ZDHHC6: variants seen among roughly 807,000 people sequenced by gnomAD.
ZDHHC6 encodes palmitoyltransferase ZDHHC6.
Under a neutral mutation model 57.8 loss-of-function variants are expected in ZDHHC6, and 32 were observed. That is an observed-to-expected ratio of 0.55 (90% CI 0.42 to 0.74). ZDHHC6 has a LOEUF of 0.74. ZDHHC6 is among the 30% of genes least tolerant of loss of function. ZDHHC6 has a pLI of 0.00. For missense variants in ZDHHC6, 433 were observed against 500.7 expected (o/e 0.86, Z 1.29); for synonymous variants, 128 against 158.0 (o/e 0.81, Z 1.42).
intron 5 of ZDHHC6, among the ~76,000 whole-genome samples, chr10:112,439,669 A>AAAAAAAAAAAAAAAAAAAAAAT (rs757796332): frequency 1.8e-5 from 2 of 108,562 alleles, no homozygotes; most frequent in Admixed American, 1.2e-4. Flanking sequence ...AAAAAAAAAA[A>AAAAAAAAAAAAAAAAAAAAAAT]GAATGAAAAA....
At chr10:112,429,302 C>A (rs1481202154), downstream of ZDHHC6, among the ~76,000 whole-genome samples, 1 of 152,192 alleles carries the variant, frequency 6.6e-6, no homozygotes, top group African/African-American at 2.4e-5. Context: ...AGTTACCTTC[C>A]TGTTTCTCAA....
rs753458056 is a variant in ZDHHC6, at chr10:112,433,259, G to A, written c.926C>T (p.Ala309Val). The change falls in exon 8 of 11, where the codon GCA (alanine) becomes GTA (valine). Residue 309 changes from alanine (A) to valine (V), a missense_variant. Transcript: ENST00000369405. ...ACTTACACTTCTGACTCTCTTATCT[G>A]CTTTTTGTTTCAACTGTTCTATCTG... ...SLTIEQLKQKADKRVRSVRYK... is the reference protein window; with the variant it reads ...SLTIEQLKQKVDKRVRSVRYK... 3.8e-6 allele frequency: 6 copies of A among 1,589,040 alleles called. No homozygotes were observed. Among genetic ancestry groups the A allele is most frequent in the Non-Finnish European group, 5.1e-6 (6 of 1,170,220 alleles).
chr10:112,436,110 A>C (rs1299880168), intron 6 of ZDHHC6, among the ~76,000 whole-genome samples: 3 of 152,238 alleles, frequency 2.0e-5, no homozygotes, highest in Non-Finnish European at 4.4e-5. Context: ...AAGATGTACA[A>C]ACTATGAGTA....
At chr10:112,444,307 T>C (rs1846431903) in intron 2 of ZDHHC6, among the ~76,000 whole-genome samples, 2 of 152,158 alleles carry the variant, frequency 1.3e-5, no homozygotes, top group South Asian at 4.1e-4. Flanking sequence ...CTCTTCCCCA[T>C]CTCCTTTGGA....
chr10:112,442,075 A>G (rs1846170195), intron 4 of ZDHHC6, 117 bp downstream of exon 4: 7 of 1,250,220 alleles, frequency 5.6e-6, no homozygotes, highest in Non-Finnish European at 6.4e-6. Context: ...ACAAAGTTCT[A>G]TTTCCCCAAC....
chr10:112,425,833 C>A (rs1009447171), downstream of ZDHHC6, among the ~76,000 whole-genome samples: 35 of 151,640 alleles, frequency 2.3e-4, no homozygotes, highest in Admixed American at 2.1e-3. Flanking sequence ...CAAACTGTTG[C>A]AATATATATA....
intron 2 of ZDHHC6, 36 bp downstream of exon 2, chr10:112,445,134 T>C: frequency 6.3e-7 from 1 of 1,587,492 alleles, no homozygotes; most frequent in East Asian, 2.2e-5. Flanking sequence ...TATACGATTA[T>C]CATTAAAGTT....
In ZDHHC6 at chr10:112,440,516, G is replaced by C; in HGVS notation, c.681+18C>G. 6.2e-7 allele frequency: 1 copy of C among 1,608,974 alleles called. No individual in the cohort carries two copies. Among genetic ancestry groups the C allele is most frequent in the Non-Finnish European group, 8.5e-7 (1 of 1,176,812 alleles). ...CAACAACTTGACACTTTTGACTTGA[G>C]GTAATTGAGATGCTTACCTGGATAA... is the stretch of plus-strand genomic sequence containing the variant. On this transcript the variant is annotated intron_variant, in intron 5 of 10. Transcript: ENST00000369405.
At chr10:112,444,311 C>T (rs1846432309) in intron 2 of ZDHHC6, among the ~76,000 whole-genome samples, 1 of 152,202 alleles carries the variant, frequency 6.6e-6, no homozygotes, top group Non-Finnish European at 1.5e-5. Context: ...TCCCCATCTC[C>T]TTTGGAAATT....
downstream of ZDHHC6, chr10:112,425,541 T>C (rs1844637202): frequency 1.4e-6 from 2 of 1,381,120 alleles, no homozygotes; most frequent in African/African-American, 1.5e-5. Context: ...TTCTTGTAGC[T>C]ACAGGAAATT....
At chr10:112,441,007 G>A (rs923658673) in intron 4 of ZDHHC6, among the ~76,000 whole-genome samples, 13 of 151,914 alleles carry the variant, frequency 8.6e-5, no homozygotes, top group African/African-American at 1.5e-4. Flanking sequence ...CATCACACCC[G>A]GCTTATTTTT....
chr10:112,437,338 A>G (rs1845641446), intron 6 of ZDHHC6, among the ~76,000 whole-genome samples: 1 of 152,246 alleles, frequency 6.6e-6, no homozygotes, highest in Non-Finnish European at 1.5e-5. Context: ...GCCTGATGTT[A>G]CATAAAACCA....
chr10:112,432,566 T>C (rs530085302), intron 8 of ZDHHC6, 45 bp from the exon 9 acceptor site: 1 of 1,579,674 alleles, frequency 6.3e-7, no homozygotes, highest in South Asian at 1.2e-5. Context: ...TCACCCATGA[T>C]ATCTGAGTTT....
chr10:112,432,211 C>A lies in ZDHHC6; in HGVS notation c.1138+29G>T, dbSNP rs189505588. On this transcript the variant is annotated intron_variant, in intron 10 of 10. Coordinates refer to ENST00000369405, the MANE Select transcript of ZDHHC6 (RefSeq NM_022494.3). ...TTGGAATTATTGCTAATAGTCTTGT[C>A]CTTTAAACATGCCCTTCCATTTCCA... 3.2e-6 allele frequency: 5 copies of A among 1,582,004 alleles called. No homozygotes were observed. In the African/African-American group the frequency reaches 4.1e-5, roughly 13 times the overall value.
At chr10:112,447,530 A>G, upstream of ZDHHC6, 1 of 1,553,616 alleles carries the variant, frequency 6.4e-7, no homozygotes. Flanking sequence ...GGGCGGTGGA[A>G]CGCCGCCCGA....
upstream of ZDHHC6, chr10:112,447,562 G>A (rs1186367017): frequency 7.1e-7 from 1 of 1,405,046 alleles, no homozygotes; most frequent in African/African-American, 1.4e-5. Context: ...TATGAGGCGC[G>A]AGGCTGGAGT....
intron 4 of ZDHHC6, among the ~76,000 whole-genome samples, chr10:112,441,915 T>G (rs140944086): frequency 6.6e-6 from 1 of 152,226 alleles, no homozygotes; most frequent in Non-Finnish European, 1.5e-5. Context: ...TCCATAACTA[T>G]TAAGTTTGAA....
chr10:112,439,810 G>A (rs914156918), intron 5 of ZDHHC6, among the ~76,000 whole-genome samples: 1 of 151,790 alleles, frequency 6.6e-6, no homozygotes, highest in African/African-American at 2.4e-5. Context: ...AGTTCCTAAG[G>A]GCAGCTACCT....
At chr10:112,446,990 C>T, upstream of ZDHHC6, 2 of 247,820 alleles carry the variant, frequency 8.1e-6, no homozygotes, top group Non-Finnish European at 1.6e-5. Context: ...CCTCCGGAAG[C>T]AAGCTGCTGT....
Sources: gnomAD v4.1 joint callset for allele counts (sites outside exome capture counted in the v4.1 genomes callset) on GRCh38, gnomAD v4.1.1 for gene constraint, MANE v1.5 for transcripts, NCBI Gene and HGNC (gene_info 2026-07-23, HGNC 2026-07-21) for gene names.